The following MTIF2 variants were observed in gnomAD, a reference collection of about 807,000 sequenced individuals.
MTIF2 encodes mitochondrial translational initiation factor 2.
In MTIF2, 71 loss-of-function variants were observed where a neutral mutation model predicts 83.5. That is an observed-to-expected ratio of 0.85 (90% CI 0.70 to 1.04). The LOEUF (loss-of-function observed/expected upper bound fraction) is 1.04, where lower values mean the gene tolerates loss of function less well. Among genes scored for constraint, MTIF2 ranks in the 50% least tolerant of loss-of-function variants. The pLI, the probability that MTIF2 is intolerant of heterozygous loss-of-function variation, is 0.00. For missense variants in MTIF2, 957 were observed against 846.5 expected, an observed-to-expected ratio of 1.13 and a Z score of -1.62; for synonymous variants, 319 against 287.1, an observed-to-expected ratio of 1.11 and a Z score of -1.12.
chr2:55,241,663 T>C (rs562847453), intron 13 of MTIF2, among the ~76,000 whole-genome samples: 1 of 152,012 alleles, frequency 6.6e-6, no homozygotes, highest in African/African-American at 2.4e-5. Context: ...GCCAACATGA[T>C]GAAACCTTAT....
intron 5 of MTIF2, among the ~76,000 whole-genome samples, chr2:55,258,559 C>T (rs1677717528): frequency 6.6e-6 from 1 of 152,068 alleles, no homozygotes; most frequent in African/African-American, 2.4e-5. Flanking sequence ...CGTCTGTAAT[C>T]CCAGAACTTT....
chr2:55,249,789 T>C (rs1676961190), intron 8 of MTIF2, among the ~76,000 whole-genome samples: 1 of 149,822 alleles, frequency 6.7e-6, no homozygotes, highest in Non-Finnish European at 1.5e-5. Flanking sequence ...CCTGAGATTA[T>C]CAAAAAAAAC....
rs1463259329 is a variant in MTIF2 at position 55,249,467 on chromosome 2, C to T, written c.909G>A (p.Glu303=). 3 of 1,614,022 alleles carry T rather than the reference C, an allele frequency of 1.9e-6. No homozygotes were observed. Among genetic ancestry groups the T allele is most frequent in the African/African-American group, 1.3e-5 (1 of 74,912 alleles). Residue 303 remains glutamate, a synonymous_variant, in exon 9 of 16, where the codon GAG becomes GAA. Coordinates refer to ENST00000263629, the MANE Select transcript of MTIF2 (RefSeq NM_002453.3). ...AEADPEKVKK[E]LLAYDVVCED... Reference sequence around the variant, plus strand: ...CACATACCACATCGTAAGCCAGCAGCTCTTTTTTCACTTTCTCAGGATCAG... The same window carrying T: ...CACATACCACATCGTAAGCCAGCAGTTCTTTTTTCACTTTCTCAGGATCAG...
intron 3 of MTIF2, among the ~76,000 whole-genome samples, chr2:55,267,103 G>A (rs1326256744): frequency 6.6e-6 from 1 of 150,956 alleles, no homozygotes; most frequent in Non-Finnish European, 1.5e-5. Context: ...TTCCCAAAGT[G>A]TATTTTATGG....
rs375231978 is a variant in MTIF2, at chr2:55,244,130, C to A, written c.1210G>T (p.Gly404Ter). 6.2e-7 allele frequency: 1 copy of A among 1,613,968 alleles called. No individual in the cohort carries two copies. Among genetic ancestry groups the A allele is most frequent in the Non-Finnish European group, 8.5e-7 (1 of 1,180,022 alleles). The change falls in exon 11 of 16, where the codon GGA becomes TGA. Residue 404 changes from glycine (G) to a stop codon, truncating the protein, a stop_gained. Transcript: ENST00000263629. LOFTEE classifies it high-confidence loss of function. ...AKVRLMFDEN[G>*]KTIDEAYPSM... Reference sequence around the variant, plus strand: ...GGATAGGCCTCATCAATTGTTTTTCCATTTTCATCAAACATTAAGCGTACT... The same window carrying A: ...GGATAGGCCTCATCAATTGTTTTTCAATTTTCATCAAACATTAAGCGTACT...
At chr2:55,257,720 G>A (rs1296872533) in intron 5 of MTIF2, among the ~76,000 whole-genome samples, 3 of 152,112 alleles carry the variant, frequency 2.0e-5, no homozygotes, top group Non-Finnish European at 4.4e-5. Flanking sequence ...GATATGACAG[G>A]CATAAATAAC....
rs187984644 is a variant in MTIF2, at chr2:55,257,311, C to T, written c.332-2486G>A. On this transcript the variant is annotated intron_variant, in intron 5 of 15. Coordinates refer to ENST00000263629, the MANE Select transcript of MTIF2 (RefSeq NM_002453.3). ...CCTGGCCAACATGGTGAAACCCCAT[C>T]TCCATTAAAAATACAAAAAATTAGC... Among the ~76,000 whole-genome samples the T allele has an allele frequency of 2.5e-3, 379 of 152,252 alleles. 1 individual carries two copies. Among genetic ancestry groups the T allele is most frequent in the Middle Eastern group, 6.8e-3 (2 of 294 alleles).
intron 13 of MTIF2, among the ~76,000 whole-genome samples, chr2:55,241,278 C>T (rs554166977): frequency 9.2e-5 from 14 of 151,730 alleles, no homozygotes; most frequent in African/African-American, 3.4e-4. Context: ...ATTAGCCAGG[C>T]ATGGTGGCAG....
chr2:55,244,206 T>G lies in MTIF2; in HGVS notation c.1134A>C (p.Arg378Ser). The change falls in exon 11 of 16, where the codon AGA becomes AGC. Residue 378 changes from arginine (R) to serine (S), a missense_variant. Coordinates refer to ENST00000263629, the MANE Select transcript of MTIF2 (RefSeq NM_002453.3). Reference protein sequence around the residue: ...RGLVTTAIIQRGTLRKGSVLV... With the variant: ...RGLVTTAIIQSGTLRKGSVLV... ...GAACAGAGCCTTTTCTTAAAGTTCCTCTTTGAATTATAGCTGTAGTAACAA... is the reference window on the plus strand; with the variant it reads ...GAACAGAGCCTTTTCTTAAAGTTCCGCTTTGAATTATAGCTGTAGTAACAA... 1 of 1,613,894 alleles carries G rather than the reference T, an allele frequency of 6.2e-7. No homozygotes were observed. Among genetic ancestry groups the G allele is most frequent in the East Asian group, 2.2e-5 (1 of 44,868 alleles).
At chr2:55,243,162 G>A in intron 12 of MTIF2, 82 bp from the exon 13 acceptor site, 1 of 1,361,782 alleles carries the variant, frequency 7.3e-7, no homozygotes, top group Non-Finnish European at 1.0e-6. Flanking sequence ...TCTATTTAAA[G>A]CCATGATAGG....
At chr2:55,246,993 G>C (rs1234806755) in intron 9 of MTIF2, among the ~76,000 whole-genome samples, 1 of 152,014 alleles carries the variant, frequency 6.6e-6, no homozygotes, top group African/African-American at 2.4e-5. Context: ...TAGAGATCTA[G>C]GCTCTAAGCT....
intron 5 of MTIF2, among the ~76,000 whole-genome samples, chr2:55,256,711 A>AAG (rs1677568833): frequency 6.6e-6 from 1 of 151,096 alleles, no homozygotes; most frequent in African/African-American, 2.4e-5. Flanking sequence ...AAAAAAAAAA[A>AAG]AAATTTTTTT....
At chr2:55,263,524 T>TG in intron 4 of MTIF2, 116 bp downstream of exon 4, 1 of 720,646 alleles carries the variant, frequency 1.4e-6, no homozygotes, top group Non-Finnish European at 2.2e-6. Flanking sequence ...GCAGGAGAAT[T>TG]GCTTAAACCC....
intron 9 of MTIF2, among the ~76,000 whole-genome samples, chr2:55,248,244 C>A (rs896309989): frequency 2.0e-5 from 3 of 152,094 alleles, no homozygotes; most frequent in African/African-American, 7.2e-5. Flanking sequence ...AGTGCAATAA[C>A]AATTGAGGGA....
intron 3 of MTIF2, among the ~76,000 whole-genome samples, chr2:55,266,221 T>C (rs963425724): frequency 1.3e-5 from 2 of 152,152 alleles, no homozygotes; most frequent in Admixed American, 6.5e-5. Flanking sequence ...TTATAAACTT[T>C]TACAAAGCCT....
chr2:55,237,317 A>G lies in MTIF2; in HGVS notation c.1982T>C (p.Leu661Pro), dbSNP rs1300447760. 7 of 1,612,654 alleles carry G rather than the reference A, an allele frequency of 4.3e-6. No homozygotes were observed. The highest frequency in any genetic ancestry group is 5.9e-6 in the Non-Finnish European group (7 of 1,179,802). The change falls in exon 15 of 16, where the codon CTA (leucine) becomes CCA (proline). Residue 661 changes from leucine to proline, a missense_variant. Leu to Pro is a moderately conservative substitution (Grantham distance 98). This residue lies in a region of MTIF2 where 221 missense variants were observed against 180.6 expected (regional missense o/e 1.22). Coordinates refer to ENST00000263629, the MANE Select transcript of MTIF2 (RefSeq NM_002453.3). ...GQLEKQKKFK[L>P]TRNGHVIWKG... The stretch of plus-strand genomic sequence containing the variant: ...CCAAATTACATGTCCATTACGGGTT[A>G]GTTTAAATTTTTTTTGTTTTTCTAA...
chr2:55,246,967 G>C (rs754720366), intron 9 of MTIF2, among the ~76,000 whole-genome samples: 5 of 151,994 alleles, frequency 3.3e-5, no homozygotes, highest in Non-Finnish European at 7.4e-5. Flanking sequence ...AATAAATGAG[G>C]AGAAAAAGCA....
chr2:55,263,905 A>C, intron 3 of MTIF2, 40 bp from the exon 4 acceptor site: 2 of 1,453,314 alleles, frequency 1.4e-6, no homozygotes, highest in African/African-American at 2.8e-5. Flanking sequence ...TATTCAAATC[A>C]AGTTAGCAAA....
At chr2:55,241,241 C>CAG (rs1676280541) in intron 13 of MTIF2, among the ~76,000 whole-genome samples, 1 of 149,556 alleles carries the variant, frequency 6.7e-6, no homozygotes, top group Non-Finnish European at 1.5e-5. Flanking sequence ...AACATGGTGA[C>CAG]ACCCTGTCTC....
Sources: gnomAD v4.1 joint callset for allele counts (sites outside exome capture counted in the v4.1 genomes callset) on GRCh38, gnomAD v4.1.1 for gene constraint, gnomAD v4.1.1 regional missense constraint, MANE v1.5 for transcripts, NCBI Gene and HGNC (gene_info 2026-07-23, HGNC 2026-07-21) for gene names.